The following KCNAB1 variants were observed in gnomAD, a reference collection of about 807,000 sequenced individuals.
KCNAB1 encodes voltage-gated potassium channel subunit beta-1.
In KCNAB1, 35 loss-of-function variants were observed where a neutral mutation model predicts 64.6. The ratio of observed to expected loss-of-function variants is 0.54; its 90% CI spans 0.41 to 0.72. The LOEUF is 0.72. KCNAB1 is among the 30% of genes least tolerant of loss of function. The pLI is 0.00. For synonymous variants in KCNAB1, 177 were observed against 183.8 expected (o/e 0.96, Z 0.30); for missense variants, 401 against 512.9 (o/e 0.78, Z 2.11).
At chr3:156,390,016 C>T (rs925623380) in intron 1 of KCNAB1, among the ~76,000 whole-genome samples, 2 of 151,908 alleles carry the variant, frequency 1.3e-5, no homozygotes, top group Non-Finnish European at 2.9e-5. Context: ...CTTACACAGA[C>T]ATATCATTTT....
chr3:156,446,370 T>C (rs535562053), intron 2 of KCNAB1, among the ~76,000 whole-genome samples: 8 of 152,334 alleles, frequency 5.3e-5, no homozygotes, highest in African/African-American at 1.4e-4. Flanking sequence ...AACTGAGACA[T>C]TGAACATGTT....
chr3:156,232,155 GT>G (rs1265297968), intron 1 of KCNAB1, among the ~76,000 whole-genome samples: 1 of 152,126 alleles, frequency 6.6e-6, no homozygotes, highest in Non-Finnish European at 1.5e-5. Context: ...GAAAGTAATA[GT>G]AAGCATTAGC....
intron 1 of KCNAB1, chr3:156,142,971 C>T: frequency 8.1e-7 from 1 of 1,242,046 alleles, no homozygotes; most frequent in Non-Finnish European, 1.0e-6. Flanking sequence ...TATGCACAGG[C>T]CTGGGCAGGG....
At chr3:156,127,885 GT>G (rs1336427165) in intron 1 of KCNAB1, among the ~76,000 whole-genome samples, 56 of 10,490 alleles carry the variant, frequency 5.3e-3, no homozygotes, top group East Asian at 0.044. Flanking sequence ...TTCATTTGGG[GT>G]GTGTGTGTGT....
At chr3:156,176,849 C>G in intron 1 of KCNAB1, 1 of 1,082,544 alleles carries the variant, frequency 9.2e-7, no homozygotes, top group Non-Finnish European at 1.4e-6. Flanking sequence ...GCAACTCATG[C>G]CGCTGCCGCT....
At chr3:156,468,783 C>T (rs1415461177) in intron 7 of KCNAB1, among the ~76,000 whole-genome samples, 1 of 152,204 alleles carries the variant, frequency 6.6e-6, no homozygotes, top group Non-Finnish European at 1.5e-5. Flanking sequence ...TAAGTGACAA[C>T]CTTCTAGCCC....
chr3:156,185,726 C>T lies in KCNAB1; in HGVS notation c.275+64840C>T, dbSNP rs180773418. ...TCCCTCAGCCCCAACTTCCCATCCT[C>T]GATGATAGGAGTATTTTTTTTTTCT... On this transcript the variant is annotated intron_variant, in intron 1 of 13. Transcript: ENST00000490337. Among the ~76,000 whole-genome samples the T allele has an allele frequency of 5.3e-3, 799 of 152,022 alleles. 3 individuals carry two copies. Among genetic ancestry groups the T allele is most frequent in the Middle Eastern group, 0.02 (6 of 294 alleles).
intron 1 of KCNAB1, among the ~76,000 whole-genome samples, chr3:156,405,261 A>G (rs909960439): frequency 6.6e-6 from 1 of 152,196 alleles, no homozygotes; most frequent in Admixed American, 6.5e-5. Flanking sequence ...CCTAGGCAAG[A>G]TGAAGCCACC....
Position 156,536,961 on chromosome 3 carries a change from A to C in KCNAB1, c.*214A>C. The C allele has an allele frequency of 1.7e-6, 1 of 594,076 alleles. No individual in the cohort carries two copies. The highest frequency in any genetic ancestry group is 3.0e-6 in the Non-Finnish European group (1 of 334,810). 36.8% of individuals were successfully genotyped at this position (594,076 alleles called of 1,614,324 possible). On this transcript the variant is annotated 3_prime_UTR_variant, in exon 14 of 14. Transcript: ENST00000490337. ...AATCCATTCTATTTTCTTATCTTGG[A>C]CTGGAGTCACCTATTCTTGCATTGC...
chr3:156,355,186 T>G (rs1043037388), intron 1 of KCNAB1, among the ~76,000 whole-genome samples: 8 of 152,236 alleles, frequency 5.3e-5, no homozygotes, highest in Admixed American at 5.2e-4. Flanking sequence ...TAAAGTATAT[T>G]CACATGTACC....
At chr3:156,211,261 C>A (rs7647673) in intron 1 of KCNAB1, among the ~76,000 whole-genome samples, 2,665 of 152,290 alleles carry the variant, frequency 0.017, 53 homozygotes, top group African/African-American at 0.049. Flanking sequence ...TCACAAAATG[C>A]ATTACTAATT....
intron 1 of KCNAB1, among the ~76,000 whole-genome samples, chr3:156,130,268 A>G (rs945490540): frequency 2.0e-5 from 3 of 152,230 alleles, no homozygotes; most frequent in Middle Eastern, 3.2e-3. Context: ...AACATGGCTT[A>G]AGAGCATGGT....
rs1487514876 is a variant in KCNAB1, at chr3:156,465,831, AAATAT to A, written c.571+147_571+151del. 3.9e-5 allele frequency: 27 copies of A among 687,170 alleles called. No homozygotes were observed. In the East Asian group the frequency reaches 7.2e-4, roughly 18 times the overall value. The allele number at this position is 687,170 out of a possible 1,614,324, so 42.6% of individuals were successfully genotyped here. ...ATCAACCAAGTTTCTTCTTGGGGTT[AAATAT>A]AGGGAATGCAGAGATGTAGAGGGGA... On this transcript the variant is annotated intron_variant, in intron 7 of 13. Coordinates refer to ENST00000490337, the MANE Select transcript of KCNAB1 (RefSeq NM_172160.3).
In KCNAB1 at chr3:156,433,787, T is replaced by C. The variant is rs141302114; in HGVS notation, c.319+12128T>C. Among the ~76,000 whole-genome samples, 228 of 152,328 alleles carry C rather than the reference T, an allele frequency of 1.5e-3. 1 individual carries two copies. Among genetic ancestry groups the C allele is most frequent in the African/African-American group, 5.3e-3 (222 of 41,570 alleles). On this transcript the variant is annotated intron_variant, in intron 2 of 13. Transcript: ENST00000490337. ...ACTCCTCACTTGGGTTTTGGCTTGA[T>C]TGTTGCTTTCCTGAACATTCAAGTC...
intron 1 of KCNAB1, among the ~76,000 whole-genome samples, chr3:156,146,572 A>C (rs1715051073): frequency 6.6e-6 from 1 of 152,220 alleles, no homozygotes; most frequent in Admixed American, 6.5e-5. Flanking sequence ...ATGAAGCTCT[A>C]ATCCAGGGAC....
intron 3 of KCNAB1, among the ~76,000 whole-genome samples, chr3:156,456,581 A>G (rs1712445362): frequency 6.6e-6 from 1 of 152,266 alleles, no homozygotes; most frequent in African/African-American, 2.4e-5. Flanking sequence ...TTTTAAAGCA[A>G]CAGAAAAATA....
chr3:156,414,501 A>G (rs1343189577), intron 1 of KCNAB1, among the ~76,000 whole-genome samples: 2 of 152,232 alleles, frequency 1.3e-5, no homozygotes, highest in Non-Finnish European at 2.9e-5. Flanking sequence ...TGATGTCTTC[A>G]ACTTTGAAGT....
At chr3:156,504,280 T>G (rs1161299250) in intron 8 of KCNAB1, among the ~76,000 whole-genome samples, 2 of 152,200 alleles carry the variant, frequency 1.3e-5, no homozygotes, top group African/African-American at 4.8e-5. Context: ...CCATTGAGTA[T>G]CTATAACACA....
At chr3:156,159,835 G>A (rs944574607) in intron 1 of KCNAB1, among the ~76,000 whole-genome samples, 8 of 152,186 alleles carry the variant, frequency 5.3e-5, no homozygotes, top group Non-Finnish European at 1.0e-4. Context: ...CAATAGAATT[G>A]TTCAAATCAA....
Sources: gnomAD v4.1 joint callset for allele counts (sites outside exome capture counted in the v4.1 genomes callset) on GRCh38, gnomAD v4.1.1 for gene constraint, MANE v1.5 for transcripts, NCBI Gene and HGNC (gene_info 2026-07-23, HGNC 2026-07-21) for gene names.